Variants in CDKAL1 observed in about 807,000 individuals in gnomAD.
CDKAL1 encodes the protein threonylcarbamoyladenosine tRNA methylthiotransferase.
CDKAL1 carries 32 observed loss-of-function variants against 68.2 expected under a neutral mutation model. That is an observed-to-expected ratio of 0.47 (90% CI 0.35 to 0.63). The LOEUF is 0.63. Among genes scored for constraint, CDKAL1 ranks in the 30% least tolerant of loss-of-function variants. CDKAL1 has a pLI of 0.00. For synonymous variants in CDKAL1, 234 were observed against 244.3 expected, an observed-to-expected ratio of 0.96 and a Z score of 0.39; for missense variants, 606 against 696.7, an observed-to-expected ratio of 0.87 and a Z score of 1.47.
At chr6:20,797,411 A>G (rs963378440) in intron 8 of CDKAL1, among the ~76,000 whole-genome samples, 3 of 152,248 alleles carry the variant, frequency 2.0e-5, no homozygotes, top group Non-Finnish European at 4.4e-5. Flanking sequence ...GCTAAATGGT[A>G]CAGCCATTTG....
At chr6:21,207,293 C>A (rs1308346387) in intron 15 of CDKAL1, among the ~76,000 whole-genome samples, 1 of 151,886 alleles carries the variant, frequency 6.6e-6, no homozygotes, top group African/African-American at 2.4e-5. Context: ...TTCAGGAGGC[C>A]AAGGCAGGAG....
chr6:20,820,885 A>C (rs1777248842), intron 8 of CDKAL1, among the ~76,000 whole-genome samples: 3 of 152,110 alleles, frequency 2.0e-5, no homozygotes, highest in African/African-American at 4.8e-5. Context: ...AGACTAGATT[A>C]AAATGTCAGA....
chr6:20,766,202 A>ATT (rs149838257), intron 7 of CDKAL1, among the ~76,000 whole-genome samples: 1 of 151,910 alleles, frequency 6.6e-6, no homozygotes, highest in African/African-American at 2.4e-5. Context: ...TCAAAGATAC[A>ATT]TTTTTTTTAA....
At chr6:21,061,597 C>T (rs1282301665) in intron 11 of CDKAL1, among the ~76,000 whole-genome samples, 2 of 152,068 alleles carry the variant, frequency 1.3e-5, no homozygotes, top group African/African-American at 4.8e-5. Context: ...ATAATATTCT[C>T]CTAGCCATTT....
intron 4 of CDKAL1, among the ~76,000 whole-genome samples, chr6:20,578,901 T>A (rs971724779): frequency 2.0e-5 from 3 of 152,132 alleles, no homozygotes; most frequent in Non-Finnish European, 4.4e-5. Flanking sequence ...GGAGGAAAAG[T>A]GTAAAAGGAC....
chr6:20,923,713 T>C lies in CDKAL1; in HGVS notation c.743-31706T>C, dbSNP rs527283617. On this transcript the variant is annotated intron_variant, in intron 9 of 15. Coordinates refer to ENST00000274695, the MANE Select transcript of CDKAL1 (RefSeq NM_017774.3). ...GGAGGGGCTGCATGTCTCTCACTTT[T>C]TGTCAAAAGCTAGAAATGGGCAGGC... 4.7e-4 allele frequency among the ~76,000 whole-genome samples: 71 copies of C among 152,286 alleles called. 1 individual carries two copies. Among genetic ancestry groups the C allele is most frequent in the African/African-American group, 1.6e-3 (68 of 41,576 alleles).
intron 10 of CDKAL1, among the ~76,000 whole-genome samples, chr6:20,968,866 G>A (rs1322044641): frequency 1.3e-5 from 2 of 151,896 alleles, no homozygotes; most frequent in Non-Finnish European, 2.9e-5. Flanking sequence ...TATTTAAAGT[G>A]CTGATTTAAA....
rs1334902552 is a variant in CDKAL1, at chr6:20,699,272, T to C, written c.372-40247T>C. Among the ~76,000 whole-genome samples, 5 of 152,180 alleles carry C rather than the reference T, an allele frequency of 3.3e-5. No homozygotes were observed. The East Asian group carries it at 7.8e-4, about 24-fold the overall frequency. Reference sequence around the variant, plus strand: ...AGACTTGTTAGTTATTGATTCGTGATGAATAAATTACTGCCATTCTAATCA... The same window carrying C: ...AGACTTGTTAGTTATTGATTCGTGACGAATAAATTACTGCCATTCTAATCA... On this transcript the variant is annotated intron_variant, in intron 5 of 15. Coordinates refer to ENST00000274695, the MANE Select transcript of CDKAL1 (RefSeq NM_017774.3).
intron 15 of CDKAL1, among the ~76,000 whole-genome samples, chr6:21,208,323 C>T (rs1339426490): frequency 6.6e-6 from 1 of 152,162 alleles, no homozygotes; most frequent in Non-Finnish European, 1.5e-5. Flanking sequence ...ATTCTCAGAG[C>T]TTTGACCCTT....
chr6:21,032,321 C>A (rs1769338331), intron 11 of CDKAL1, among the ~76,000 whole-genome samples: 1 of 152,054 alleles, frequency 6.6e-6, no homozygotes, highest in Admixed American at 6.6e-5. Flanking sequence ...AACTCCTGGG[C>A]TTGAGAGATT....
intron 15 of CDKAL1, among the ~76,000 whole-genome samples, chr6:21,211,652 C>G (rs1400119328): frequency 6.6e-6 from 1 of 152,130 alleles, no homozygotes; most frequent in African/African-American, 2.4e-5. Context: ...TCCACATGGC[C>G]CTGTCTAACT....
At chr6:21,121,867 A>G (rs1774733167) in intron 13 of CDKAL1, among the ~76,000 whole-genome samples, 1 of 152,180 alleles carries the variant, frequency 6.6e-6, no homozygotes. Context: ...TTCCTCTTCT[A>G]AAACTTCAGC....
chr6:20,630,913 G>GA (rs1401053694), intron 4 of CDKAL1, among the ~76,000 whole-genome samples: 4 of 152,228 alleles, frequency 2.6e-5, no homozygotes, highest in Admixed American at 2.0e-4. Flanking sequence ...TAATGCATTT[G>GA]AAAATGCAAG....
intron 10 of CDKAL1, among the ~76,000 whole-genome samples, chr6:20,961,961 A>T (rs955202428): frequency 1.3e-5 from 2 of 152,192 alleles, no homozygotes; most frequent in Non-Finnish European, 2.9e-5. Flanking sequence ...TCCCTCTGTC[A>T]TGAATAGTTC....
chr6:20,896,257 A>C (rs1457262875), intron 9 of CDKAL1, among the ~76,000 whole-genome samples: 2 of 150,618 alleles, frequency 1.3e-5, no homozygotes, highest in African/African-American at 4.9e-5. Flanking sequence ...CCGCCACCAC[A>C]CCCAGCTAAT....
At chr6:21,179,156 G>A (rs941255368) in intron 13 of CDKAL1, among the ~76,000 whole-genome samples, 2 of 152,176 alleles carry the variant, frequency 1.3e-5, no homozygotes, top group African/African-American at 4.8e-5. Context: ...TCAGGGTGAG[G>A]GAGGGCCACA....
At chr6:21,117,454 A>G (rs1774474004) in intron 13 of CDKAL1, among the ~76,000 whole-genome samples, 1 of 145,418 alleles carries the variant, frequency 6.9e-6, no homozygotes, top group Non-Finnish European at 1.5e-5. Flanking sequence ...CTTGGGCAAC[A>G]TGGCAAAATC....
intron 10 of CDKAL1, among the ~76,000 whole-genome samples, chr6:20,957,391 C>A (rs958429244): frequency 3.3e-5 from 5 of 152,154 alleles, no homozygotes; most frequent in African/African-American, 1.2e-4. Context: ...TGCTCAGCAC[C>A]TGAAGTAGTG....
At chr6:20,730,048 A>T (rs112183364) in intron 5 of CDKAL1, among the ~76,000 whole-genome samples, 1 of 152,154 alleles carries the variant, frequency 6.6e-6, no homozygotes, top group Non-Finnish European at 1.5e-5. Flanking sequence ...GGCCTGGCAC[A>T]GTGGCTCATG....
Sources: gnomAD v4.1 joint callset for allele counts (sites outside exome capture counted in the v4.1 genomes callset) on GRCh38, gnomAD v4.1.1 for gene constraint, MANE v1.5 for transcripts, NCBI Gene and HGNC (gene_info 2026-07-23, HGNC 2026-07-21) for gene names.